ITGA8: variants seen among roughly 807,000 people sequenced by gnomAD.
ITGA8 encodes the protein integrin subunit alpha 8.
In ITGA8, 91 loss-of-function variants were observed where a neutral mutation model predicts 142.3. The observed-to-expected ratio is 0.64, with a 90% CI of 0.54 to 0.76. The LOEUF is 0.76. ITGA8 is among the 30% of genes least tolerant of loss of function. The pLI is 0.00. For synonymous variants in ITGA8, 505 were observed against 485.2 expected, an observed-to-expected ratio of 1.04 and a Z score of -0.54; for missense variants, 1,406 against 1,327.7, an observed-to-expected ratio of 1.06 and a Z score of -0.92.
intron 4 of ITGA8, among the ~76,000 whole-genome samples, chr10:15,683,476 G>C (rs916413729): frequency 3.9e-5 from 6 of 152,108 alleles, no homozygotes; most frequent in African/African-American, 1.4e-4. Flanking sequence ...GATGAGATTT[G>C]AACTCTAAGT....
intron 2 of ITGA8, among the ~76,000 whole-genome samples, chr10:15,703,977 G>C (rs530356855): frequency 6.6e-6 from 1 of 152,270 alleles, no homozygotes; most frequent in African/African-American, 2.4e-5. Flanking sequence ...TCTCATCAAA[G>C]TTGAATATTG....
intron 27 of ITGA8, among the ~76,000 whole-genome samples, chr10:15,538,583 GC>G (rs1833502535): frequency 6.8e-6 from 1 of 147,776 alleles, no homozygotes; most frequent in Admixed American, 6.8e-5. Flanking sequence ...CTTTAGAAAA[GC>G]AGAATCTAAT....
intron 2 of ITGA8, among the ~76,000 whole-genome samples, chr10:15,695,390 T>C (rs1365174706): frequency 1.3e-5 from 2 of 152,206 alleles, no homozygotes; most frequent in Non-Finnish European, 2.9e-5. Flanking sequence ...GAACCTAACA[T>C]TGTAATTGAA....
chr10:15,550,561 G>C (rs1395071737), intron 26 of ITGA8, among the ~76,000 whole-genome samples: 3 of 152,172 alleles, frequency 2.0e-5, no homozygotes, highest in African/African-American at 7.2e-5. Flanking sequence ...GAGCCATGAA[G>C]GTATGAATGG....
intron 28 of ITGA8, among the ~76,000 whole-genome samples, chr10:15,528,223 G>A (rs971495199): frequency 1.6e-4 from 25 of 151,974 alleles, no homozygotes; most frequent in East Asian, 7.7e-4. Flanking sequence ...GGTGTGAGCC[G>A]CCCTCTTGGC....
At chr10:15,610,498 T>C (rs1005540314) in intron 15 of ITGA8, among the ~76,000 whole-genome samples, 2 of 59,304 alleles carry the variant, frequency 3.4e-5, no homozygotes, top group African/African-American at 1.2e-4. Flanking sequence ...TAGGTCTGAT[T>C]GGAACAAAAA....
intron 26 of ITGA8, among the ~76,000 whole-genome samples, chr10:15,557,566 T>C (rs1833907936): frequency 6.6e-6 from 1 of 152,182 alleles, no homozygotes; most frequent in Admixed American, 6.5e-5. Context: ...TTGCCCAGGC[T>C]GGTCCCAAAC....
chr10:15,576,345 G>T (rs1834297824), intron 23 of ITGA8, among the ~76,000 whole-genome samples: 1 of 151,962 alleles, frequency 6.6e-6, no homozygotes, highest in South Asian at 2.1e-4. Context: ...TAGAAAATGA[G>T]CATTGGATAA....
chr10:15,612,131 T>C (rs886942283), intron 15 of ITGA8, among the ~76,000 whole-genome samples: 10 of 152,200 alleles, frequency 6.6e-5, no homozygotes, highest in African/African-American at 2.4e-4. Context: ...TTTATGGTTT[T>C]AACCAAATGT....
chr10:15,616,714 G>T (rs1833399399), intron 13 of ITGA8, among the ~76,000 whole-genome samples, 155 bp from the exon 14 acceptor site: 1 of 144,048 alleles, frequency 6.9e-6, no homozygotes, highest in African/African-American at 2.5e-5. Context: ...AAGGCATTTT[G>T]GAAAGGATGT....
At chr10:15,699,567 T>C (rs1835122671) in intron 2 of ITGA8, among the ~76,000 whole-genome samples, 1 of 152,202 alleles carries the variant, frequency 6.6e-6, no homozygotes, top group Non-Finnish European at 1.5e-5. Flanking sequence ...TATTTATCCA[T>C]TCCGTTTACA....
At chr10:15,538,731 A>C (rs1833506425) in intron 27 of ITGA8, among the ~76,000 whole-genome samples, 1 of 152,052 alleles carries the variant, frequency 6.6e-6, no homozygotes, top group Non-Finnish European at 1.5e-5. Flanking sequence ...CAGTCTAAAG[A>C]AGTGCTTTTA....
intron 13 of ITGA8, among the ~76,000 whole-genome samples, chr10:15,642,504 C>T (rs374243339): frequency 2.0e-5 from 3 of 152,146 alleles, no homozygotes; most frequent in African/African-American, 7.2e-5. Context: ...ATCACCCTGA[C>T]ATTTTTGGGG....
chr10:15,571,743 C>A (rs141216516), intron 25 of ITGA8, among the ~76,000 whole-genome samples: 412 of 152,322 alleles, frequency 2.7e-3, no homozygotes, highest in Non-Finnish European at 5.0e-3. Context: ...CAGAACATTC[C>A]TTTCTGGGAG....
At position 15,597,248 on chromosome 10, in the gene ITGA8, C is replaced by T. The variant is rs749818181; in HGVS notation, c.2170G>A (p.Val724Met). 5.0e-6 allele frequency: 8 copies of T among 1,613,958 alleles called. No individual in the cohort carries two copies. The highest frequency in any genetic ancestry group is 6.8e-6 in the Non-Finnish European group (8 of 1,179,986). Reference sequence around the variant, plus strand: ...ATAGGGTTCCCAAGGTCACACACCACCATCCTGGTTACATTTTCCATCTTG... The same window carrying T: ...ATAGGGTTCCCAAGGTCACACACCATCATCCTGGTTACATTTTCCATCTTG... ...EYKMENVTRM[V>M]VCDLGNPMVS... is the part of the protein sequence containing the mutation. The change falls in exon 21 of 30, where the codon GTG becomes ATG. Residue 724 changes from valine (V) to methionine (M), a missense_variant. Val to Met is a conservative substitution (Grantham distance 21). Coordinates refer to ENST00000378076, the MANE Select transcript of ITGA8 (RefSeq NM_003638.3).
chr10:15,692,622 T>C (rs1834956877), intron 2 of ITGA8, among the ~76,000 whole-genome samples: 1 of 152,164 alleles, frequency 6.6e-6, no homozygotes, highest in African/African-American at 2.4e-5. Context: ...GACTCCAAAG[T>C]CTTGGTTTTT....
intron 6 of ITGA8, 124 bp from the exon 7 acceptor site, chr10:15,672,873 G>T (rs1281879972): frequency 2.8e-6 from 3 of 1,060,998 alleles, no homozygotes; most frequent in African/African-American, 1.6e-5. Context: ...GAATTTTCCC[G>T]CCTGCCGCTC....
intron 10 of ITGA8, 77 bp downstream of exon 10, chr10:15,658,922 T>C (rs1406022174): frequency 2.1e-6 from 2 of 975,048 alleles, no homozygotes; most frequent in African/African-American, 3.4e-5. Context: ...GTCAAATGGA[T>C]GAATAACTGA....
intron 2 of ITGA8, among the ~76,000 whole-genome samples, chr10:15,690,030 C>T (rs1020665195): frequency 2.6e-5 from 4 of 152,110 alleles, no homozygotes; most frequent in Non-Finnish European, 5.9e-5. Flanking sequence ...ACTCTGCACT[C>T]GAGCCCGTGC....
Sources: gnomAD v4.1 joint callset for allele counts (sites outside exome capture counted in the v4.1 genomes callset) on GRCh38, gnomAD v4.1.1 for gene constraint, MANE v1.5 for transcripts, NCBI Gene and HGNC (gene_info 2026-07-23, HGNC 2026-07-21) for gene names.